SPTBN5: variants seen among roughly 807,000 people sequenced by gnomAD.
The protein encoded by SPTBN5 is spectrin beta chain, non-erythrocytic 5.
A neutral mutation model predicts 477.6 loss-of-function variants in SPTBN5; 513 were observed. That is an observed-to-expected ratio of 1.07 (90% CI 1.00 to 1.16). The LOEUF is 1.16. Ranked by LOEUF, SPTBN5 falls within the 50% of genes most tolerant of loss-of-function variation. The pLI is 0.00. For synonymous variants in SPTBN5, 2,169 were observed against 2,011.7 expected (o/e 1.08, Z -2.09); for missense variants, 5,062 against 4,731.8 (o/e 1.07, Z -2.05).
chr15:41,887,784 G>A (rs2067201199), intron 5 of SPTBN5, 144 bp downstream of exon 5: 1 of 851,826 alleles, frequency 1.2e-6, no homozygotes, highest in Non-Finnish European at 1.8e-6. Context: ...AGGGAAAGGG[G>A]CTAACCCATC....
At position 41,886,192 on chromosome 15, in the gene SPTBN5, C is replaced by T. The variant is rs1325307045; in HGVS notation, c.1063G>A (p.Glu355Lys). The T allele has an allele frequency of 1.9e-6, 3 of 1,612,990 alleles. No individual in the cohort carries two copies. Among genetic ancestry groups the T allele is most frequent in the Non-Finnish European group, 2.5e-6 (3 of 1,179,846 alleles). Residue 355 changes from glutamate (E) to lysine (K), a missense_variant, in exon 7 of 68, where the codon GAG (glutamate) becomes AAG (lysine). By Grantham distance (56) the Glu-to-Lys change is moderately conservative. Coordinates refer to ENST00000320955, the MANE Select transcript of SPTBN5 (RefSeq NM_016642.4). Reference sequence around the variant, plus strand: ...CGCTGCTGTAGCCGGGGTGGCTTCTCCTGGGTGCGGAAGATGGTGAATGCT... The same window carrying T: ...CGCTGCTGTAGCCGGGGTGGCTTCTTCTGGGTGCGGAAGATGGTGAATGCT... ...LAAFTIFRTQ[E>K]KPPRLQQRGA...
chr15:41,862,042 G>A lies in SPTBN5; in HGVS notation c.7548+88C>T, dbSNP rs561073832. 1.8e-4 allele frequency: 270 copies of A among 1,508,894 alleles called. 2 individuals are homozygous for A. In the African/African-American group the frequency reaches 3.4e-3, roughly 19 times the overall value. 93.5% of individuals were successfully genotyped at this position (1,508,894 alleles called of 1,614,324 possible). Reference sequence around the variant, plus strand: ...GGAGATAGGCAGGGCGGGACACTCAGGAGGCCCAAGAGCAAGGAGATGAGA... The same window carrying A: ...GGAGATAGGCAGGGCGGGACACTCAAGAGGCCCAAGAGCAAGGAGATGAGA... On this transcript the variant is annotated intron_variant, in intron 44 of 67. Coordinates refer to ENST00000320955, the MANE Select transcript of SPTBN5 (RefSeq NM_016642.4).
intron 51 of SPTBN5, 60 bp from the exon 52 acceptor site, chr15:41,857,099 A>G: frequency 6.5e-7 from 1 of 1,533,018 alleles, no homozygotes; most frequent in Non-Finnish European, 8.8e-7. Context: ...TATTAGGGAT[A>G]CCTGGTGACA....
rs374193266 is a variant in SPTBN5 at position 41,878,392 on chromosome 15, C to T, written c.3420G>A (p.Leu1140=). The change falls in exon 17 of 68, where the codon CTG becomes CTA. Residue 1140 remains leucine, a synonymous_variant. Transcript: ENST00000320955. ...CCAGCAGGTCTTGGTGCTCCCTCAG[C>T]AGCCGCTGAGCCGAGGCCACATCCA... is the stretch of plus-strand genomic sequence containing the variant. ...VSVDVASAQR[L]LREHQDLLEE... The T allele has an allele frequency of 1.2e-5, 19 of 1,613,620 alleles. No homozygotes were observed. The African/African-American group carries it at 2.4e-4, about 20-fold the overall frequency.
chr15:41,861,527 C>G (rs750462118), intron 45 of SPTBN5, 31 bp from the exon 46 acceptor site: 2 of 1,606,374 alleles, frequency 1.2e-6, no homozygotes, highest in East Asian at 4.5e-5. Context: ...AAGAGACAGT[C>G]GGTGGAGGGT....
rs764200252 is a variant in SPTBN5, at chr15:41,877,374, CAGAG to C, written c.3471-22_3471-19del. The C allele has an allele frequency of 6.3e-7, 1 of 1,599,852 alleles. No individual in the cohort carries two copies. Among genetic ancestry groups the C allele is most frequent in the East Asian group, 2.3e-5 (1 of 44,332 alleles). ...GCTGCAGCCTGACCAGGATGACAGG[CAGAG>C]AGTCAAACCCCAGCAGGCTCCCTCG... On this transcript the variant is annotated intron_variant, in intron 17 of 67. Coordinates refer to ENST00000320955, the MANE Select transcript of SPTBN5 (RefSeq NM_016642.4).
chr15:41,876,281 A>T lies in SPTBN5; in HGVS notation c.3955T>A (p.Trp1319Arg). 6.4e-7 allele frequency: 1 copy of T among 1,559,182 alleles called. No homozygotes were observed. Among genetic ancestry groups the T allele is most frequent in the Non-Finnish European group, 8.7e-7 (1 of 1,151,772 alleles). ...QLLASLQLQE[W>R]KQDVAELMQW... ...ATCAGCTCTGCCACATCCTGCTTCC[A>T]CTCCTGCCAAGAACCAGGCGAGAGT... The change falls in exon 21 of 68, where the codon TGG becomes AGG. Residue 1319 changes from tryptophan to arginine, a missense_variant. Transcript: ENST00000320955.
chr15:41,861,449 C>T lies in SPTBN5; in HGVS notation c.7785G>A (p.Lys2595=). The T allele has an allele frequency of 3.1e-6, 5 of 1,613,672 alleles. No homozygotes were observed. Among genetic ancestry groups the T allele is most frequent in the Non-Finnish European group, 4.2e-6 (5 of 1,179,890 alleles). The change falls in exon 46 of 68, where the codon AAG becomes AAA. Residue 2595 remains lysine, a synonymous_variant. Coordinates refer to ENST00000320955, the MANE Select transcript of SPTBN5 (RefSeq NM_016642.4). ...VEKMERWLCS[K]EDSLASEGLW... ...GACCCTCACTGGCTAGGGAGTCTTC[C>T]TTGCTGCAAAGCCAACGTTCCATCT...
chr15:41,878,211 G>T, intron 17 of SPTBN5, 131 bp downstream of exon 17: 2 of 1,131,026 alleles, frequency 1.8e-6, no homozygotes, highest in Non-Finnish European at 1.2e-6. Context: ...CAGCATGCCA[G>T]ACACCAACCA....
intron 4 of SPTBN5, 115 bp from the exon 5 acceptor site, chr15:41,888,200 G>T: frequency 9.3e-7 from 1 of 1,079,226 alleles, no homozygotes; most frequent in Non-Finnish European, 1.3e-6. Flanking sequence ...TCCCTGGCCC[G>T]GGGCCAGTGT....
At chr15:41,868,663 G>A in intron 32 of SPTBN5, 62 bp from the exon 33 acceptor site, 8 of 1,549,576 alleles carry the variant, frequency 5.2e-6, no homozygotes, top group Non-Finnish European at 7.0e-6. Flanking sequence ...AGGAAACCAG[G>A]TGCTGAGGCA....
At position 41,851,305 on chromosome 15, in the gene SPTBN5, AG is replaced by A. The variant is rs1567179339; in HGVS notation, c.10720del (p.Leu3574TrpfsTer10). 1.3e-6 allele frequency: 2 copies of A among 1,551,152 alleles called. No individual in the cohort carries two copies. The highest frequency in any genetic ancestry group is 1.7e-6 in the Non-Finnish European group (2 of 1,146,974). ...TACCTCCGCTGCCATCCTCTCATCC[AG>A]GAACAGGCTCAGAGAGCTGCCCTGC... ...NLQGSSLSLF[L>X]DERMAAEKVA... On this transcript the variant is annotated frameshift_variant, in exon 64 of 68. Transcript: ENST00000320955. LOFTEE classifies it high-confidence loss of function.
At chr15:41,888,473 C>A (rs1016845786) in intron 4 of SPTBN5, among the ~76,000 whole-genome samples, 1 of 152,180 alleles carries the variant, frequency 6.6e-6, no homozygotes, top group Admixed American at 6.5e-5. Context: ...CCCGTCACTG[C>A]AGGCTTTCTG....
rs761954694 is a variant in SPTBN5 at position 41,852,774 on chromosome 15, G to GC, written c.10348-40_10348-39insG. ...TGTTCAGGTGACGCCCAGCTTGGGG[G>GC]GGGGGGCCCAGAGCCTGGTAGCCAG... On this transcript the variant is annotated intron_variant, in intron 60 of 67. Coordinates refer to ENST00000320955, the MANE Select transcript of SPTBN5 (RefSeq NM_016642.4). 5.1e-5 allele frequency: 82 copies of GC among 1,611,468 alleles called. 1 individual carries two copies. The highest frequency in any genetic ancestry group is 6.6e-5 in the Non-Finnish European group (78 of 1,178,668).
Position 41,868,510 on chromosome 15 carries a change from A to T in SPTBN5, c.5945T>A (p.Leu1982His), listed in dbSNP as rs746764870. ...CGCCCGGAGCCACTGGTGGGCACTG[A>T]GCTTCAGCGGGCCACTGCTAGGCTC... is the stretch of plus-strand genomic sequence containing the variant. ...SQEPSSGPLK[L>H]SAHQWLRAEL... Residue 1982 changes from leucine to histidine, a missense_variant, in exon 33 of 68, where the codon CTC becomes CAC. Physicochemically the swap from Leu to His is moderately conservative, Grantham distance 99. Transcript: ENST00000320955. 6.2e-7 allele frequency: 1 copy of T among 1,610,476 alleles called. No individual in the cohort carries two copies. Among genetic ancestry groups the T allele is most frequent in the South Asian group, 1.1e-5 (1 of 91,068 alleles).
At chr15:41,855,492 C>T (rs967033473) in intron 54 of SPTBN5, 57 bp downstream of exon 54, 1 of 1,594,274 alleles carries the variant, frequency 6.3e-7, no homozygotes, top group African/African-American at 1.3e-5. Flanking sequence ...CAGTCTCCTG[C>T]CATCTCTGTA....
At position 41,870,505 on chromosome 15, in the gene SPTBN5, C is replaced by T. The variant is rs137894188; in HGVS notation, c.5503G>A (p.Asp1835Asn). The T allele has an allele frequency of 9.0e-4, 1,444 of 1,612,842 alleles. 1 individual carries two copies. The highest frequency in any genetic ancestry group is 1.4e-3 in the South Asian group (126 of 91,038). ...LTQARGHALR[D>N]TETTLRVHRD... The stretch of plus-strand genomic sequence containing the variant: ...TGAACTCTGAGGGTGGTCTCGGTGT[C>T]TCGGAGCGCGTGGCCTCGGGCCTGG... Residue 1835 changes from aspartate to asparagine, a missense_variant, in exon 30 of 68, where the codon GAC becomes AAC. Coordinates refer to ENST00000320955, the MANE Select transcript of SPTBN5 (RefSeq NM_016642.4).
intron 51 of SPTBN5, 85 bp downstream of exon 51, chr15:41,857,153 G>A (rs1595449326): frequency 6.6e-7 from 1 of 1,517,694 alleles, no homozygotes; most frequent in Non-Finnish European, 8.9e-7. Context: ...AGGGGAGAAA[G>A]TGAGAAGACA....
At position 41,855,600 on chromosome 15, in the gene SPTBN5, T is replaced by A. The variant is rs749518725; in HGVS notation, c.9167A>T (p.Glu3056Val). ...GAGTGCTGCTGTCTGCTGCAGCCGC[T>A]CGATGCGTGGGCTGAACGCTTCCAG... The part of the protein sequence containing the change: ...RDLEAFSPRI[E>V]RLQQTAALLE... Residue 3056 changes from glutamate to valine, a missense_variant, in exon 54 of 68, where the codon GAG (glutamate) becomes GTG (valine). Transcript: ENST00000320955. 6.2e-7 allele frequency: 1 copy of A among 1,611,910 alleles called. No homozygotes were observed. Among genetic ancestry groups the A allele is most frequent in the Non-Finnish European group, 8.5e-7 (1 of 1,179,782 alleles).
Sources: gnomAD v4.1 joint callset for allele counts (sites outside exome capture counted in the v4.1 genomes callset) on GRCh38, gnomAD v4.1.1 for gene constraint, MANE v1.5 for transcripts, NCBI Gene and HGNC (gene_info 2026-07-23, HGNC 2026-07-21) for gene names.